TBC1D1: variants seen among roughly 807,000 people sequenced by gnomAD.
The protein encoded by TBC1D1 is TBC1 domain family member 1, also known as TBC1 (tre-2/USP6, BUB2, cdc16) domain family, member 1.
A neutral mutation model predicts 125.6 loss-of-function variants in TBC1D1; 89 were observed. That is an observed-to-expected ratio of 0.71 (90% CI 0.60 to 0.85). The LOEUF (loss-of-function observed/expected upper bound fraction) is 0.85, where lower values mean the gene tolerates loss of function less well. TBC1D1 is among the 40% of genes least tolerant of loss of function. The pLI is 0.00. For synonymous variants in TBC1D1, 565 were observed against 564.1 expected (o/e 1.00, Z -0.02); for missense variants, 1,377 against 1,469.2 (o/e 0.94, Z 1.03).
intron 18 of TBC1D1, among the ~76,000 whole-genome samples, chr4:38,125,861 A>G (rs1470709360): frequency 1.3e-5 from 2 of 152,236 alleles, no homozygotes; most frequent in African/African-American, 4.8e-5. Flanking sequence ...AGAAAGGGGC[A>G]TCATTGGAAG....
At chr4:37,982,992 G>A (rs1223859713) in intron 2 of TBC1D1, among the ~76,000 whole-genome samples, 1 of 152,230 alleles carries the variant, frequency 6.6e-6, no homozygotes, top group Middle Eastern at 3.2e-3. Flanking sequence ...TGGGCCTGGA[G>A]CGAGACTGCT....
chr4:38,108,101 A>G (rs1761636554), intron 15 of TBC1D1, among the ~76,000 whole-genome samples: 2 of 151,720 alleles, frequency 1.3e-5, no homozygotes, highest in South Asian at 2.1e-4. Context: ...CACTGTTTTC[A>G]TGTCTATTCT....
chr4:38,118,423 C>A, intron 17 of TBC1D1: 1 of 556,182 alleles, frequency 1.8e-6, no homozygotes, highest in East Asian at 3.1e-5. Flanking sequence ...GGATGTGGAT[C>A]CGATCCGTGT....
chr4:37,903,428 G>C (rs2152230189), intron 2 of TBC1D1, among the ~76,000 whole-genome samples: 1 of 152,312 alleles, frequency 6.6e-6, no homozygotes, highest in South Asian at 2.1e-4. Context: ...GTGGAGTCTT[G>C]CCGTTGTTTT....
At chr4:37,982,770 C>T (rs971405107) in intron 2 of TBC1D1, among the ~76,000 whole-genome samples, 4 of 152,190 alleles carry the variant, frequency 2.6e-5, no homozygotes, top group African/African-American at 9.7e-5. Flanking sequence ...TGATTTTAAC[C>T]TGTATGTGTG....
At chr4:38,066,411 C>T (rs1753739206) in intron 12 of TBC1D1, among the ~76,000 whole-genome samples, 1 of 152,118 alleles carries the variant, frequency 6.6e-6, no homozygotes, top group African/African-American at 2.4e-5. Flanking sequence ...TAGCTCACTG[C>T]AGCCTCGACC....
At chr4:38,135,911 C>CGT (rs200513658) in intron 19 of TBC1D1, among the ~76,000 whole-genome samples, 1 of 129,850 alleles carries the variant, frequency 7.7e-6, no homozygotes, top group African/African-American at 3.0e-5. Flanking sequence ...TGTATATATA[C>CGT]GTGTGTGTGT....
At chr4:37,897,576 T>C (rs1349685840) in intron 1 of TBC1D1, among the ~76,000 whole-genome samples, 1 of 152,210 alleles carries the variant, frequency 6.6e-6, no homozygotes, top group Non-Finnish European at 1.5e-5. Context: ...TGATGACTGA[T>C]TATTATCAAC....
chr4:37,975,437 G>C (rs62298522), intron 2 of TBC1D1, among the ~76,000 whole-genome samples: 14,003 of 152,222 alleles, frequency 0.092, 815 homozygotes, highest in Middle Eastern at 0.2. Flanking sequence ...GGATAACTGC[G>C]GGCAGGCCTG....
At chr4:38,060,376 C>T (rs1445749794) in intron 12 of TBC1D1, among the ~76,000 whole-genome samples, 1 of 152,240 alleles carries the variant, frequency 6.6e-6, no homozygotes, top group Non-Finnish European at 1.5e-5. Flanking sequence ...TCCGCAACCT[C>T]ACCAGCATCT....
intron 8 of TBC1D1, among the ~76,000 whole-genome samples, chr4:38,041,102 C>G (rs1352634060): frequency 6.6e-6 from 1 of 152,192 alleles, no homozygotes; most frequent in African/African-American, 2.4e-5. Flanking sequence ...TTGGACAAAG[C>G]TGAATGTCGC....
chr4:38,042,284 TC>T (rs1382123319), intron 8 of TBC1D1, among the ~76,000 whole-genome samples: 1 of 152,118 alleles, frequency 6.6e-6, no homozygotes, highest in African/African-American at 2.4e-5. Flanking sequence ...GAGACAAGTC[TC>T]ACGCTGTCAC....
At chr4:38,020,784 A>G in intron 5 of TBC1D1, 89 bp downstream of exon 5, 1 of 1,059,514 alleles carries the variant, frequency 9.4e-7, no homozygotes, top group Non-Finnish European at 1.4e-6. Context: ...GGAAAACCAG[A>G]TGGTCATTGA....
chr4:37,971,267 G>A (rs1731958655), intron 2 of TBC1D1, among the ~76,000 whole-genome samples: 2 of 152,132 alleles, frequency 1.3e-5, no homozygotes, highest in Non-Finnish European at 2.9e-5. Context: ...TTCTTATGCT[G>A]TTAATAAAGA....
intron 9 of TBC1D1, among the ~76,000 whole-genome samples, chr4:38,045,472 G>A (rs1480941980): frequency 6.6e-6 from 1 of 152,184 alleles, no homozygotes; most frequent in African/African-American, 2.4e-5. Context: ...CGAGTGACAT[G>A]CGGCTGGCCG....
intron 9 of TBC1D1, among the ~76,000 whole-genome samples, chr4:38,045,396 T>C (rs1179664160): frequency 2.0e-5 from 3 of 152,224 alleles, no homozygotes; most frequent in African/African-American, 7.2e-5. Context: ...TGAAAAACAG[T>C]TGATTTACAA....
chr4:38,133,002 A>C, intron 18 of TBC1D1, 82 bp from the exon 21 acceptor site: 4 of 1,259,610 alleles, frequency 3.2e-6, no homozygotes, highest in Non-Finnish European at 4.5e-6. Context: ...ACAGGTGCGC[A>C]TTGTCGTGAT....
chr4:37,893,739 T>C (rs111228148), intron 1 of TBC1D1, among the ~76,000 whole-genome samples: 8,643 of 152,214 alleles, frequency 0.057, 348 homozygotes, highest in African/African-American at 0.1. Context: ...GACAGGAGAA[T>C]CGCTTGAAGC....
At chr4:37,938,652 G>A (rs1724899325) in intron 2 of TBC1D1, among the ~76,000 whole-genome samples, 1 of 152,022 alleles carries the variant, frequency 6.6e-6, no homozygotes. Flanking sequence ...ATTTACATTA[G>A]GTATATCTCC....
Sources: allele counts gnomAD v4.1 joint callset (sites outside exome capture counted in the v4.1 genomes callset), GRCh38; gene constraint gnomAD v4.1.1; transcripts MANE v1.5; gene names NCBI Gene and HGNC (gene_info 2026-07-23, HGNC 2026-07-21).